PDPR: variants seen among roughly 807,000 people sequenced by gnomAD.
The protein encoded by PDPR is pyruvate dehydrogenase phosphatase regulatory subunit, also known as pyruvate dehydrogenase phosphatase regulatory subunit, mitochondrial.
A neutral mutation model predicts 102.2 loss-of-function variants in PDPR; 50 were observed. That is an observed-to-expected ratio of 0.49 (90% CI 0.39 to 0.62). The LOEUF (loss-of-function observed/expected upper bound fraction) is 0.62. Ranked by LOEUF, PDPR falls within the 20% of genes least tolerant of loss-of-function variation. PDPR has a pLI of 0.00. For missense variants in PDPR, 625 were observed against 1,098.2 expected, an observed-to-expected ratio of 0.57 and a Z score of 6.09; for synonymous variants, 259 against 406.0, an observed-to-expected ratio of 0.64 and a Z score of 4.35.
intron 15 of PDPR, among the ~76,000 whole-genome samples, chr16:70,145,397 A>G (rs1417316224): frequency 6.6e-6 from 1 of 152,224 alleles, no homozygotes; most frequent in African/African-American, 2.4e-5. Context: ...CGGCCTCCCA[A>G]AGTGCTGGGA....
chr16:70,123,677 T>A (rs1444168647), intron 3 of PDPR, among the ~76,000 whole-genome samples: 1 of 152,248 alleles, frequency 6.6e-6, no homozygotes, highest in East Asian at 1.9e-4. Context: ...GGGAGGTTCA[T>A]TTTTGGTTTA....
intron 11 of PDPR, among the ~76,000 whole-genome samples, chr16:70,141,175 T>C (rs1307298926): frequency 3.3e-5 from 5 of 152,216 alleles, no homozygotes; most frequent in Non-Finnish European, 5.9e-5. Context: ...TGCCTCAGCC[T>C]CCCGAGTAGC....
Position 70,138,895 on chromosome 16 carries a change from A to T in PDPR, c.1191-4A>T. On this transcript the variant is annotated splice_polypyrimidine_tract_variant and splice_region_variant and intron_variant, in intron 10 of 18. Coordinates refer to ENST00000288050, the MANE Select transcript of PDPR (RefSeq NM_017990.5). ...GCCCCAACACGTGCCCTCTGTCTAT[A>T]TAGGTACCTTGCCGAATGGATGGTA... The T allele has an allele frequency of 6.2e-7, 1 of 1,612,682 alleles. No homozygotes were observed. The highest frequency in any genetic ancestry group is 1.7e-5 in the Admixed American group (1 of 59,934).
intron 3 of PDPR, among the ~76,000 whole-genome samples, chr16:70,121,630 G>A (rs193233645): frequency 1.5e-3 from 228 of 152,216 alleles, no homozygotes; most frequent in African/African-American, 5.3e-3. Context: ...AGGCGGAGGT[G>A]GCAGTGAGCA....
chr16:70,135,537 C>G (rs1352866882), intron 9 of PDPR, among the ~76,000 whole-genome samples: 1 of 152,266 alleles, frequency 6.6e-6, no homozygotes, highest in African/African-American at 2.4e-5. Context: ...ATGCCCAGCT[C>G]AGAACATCAC....
intron 3 of PDPR, among the ~76,000 whole-genome samples, chr16:70,122,907 A>G (rs889628735): frequency 1.4e-5 from 2 of 147,546 alleles, no homozygotes; most frequent in Admixed American, 1.4e-4. Context: ...TGCAGTGGAT[A>G]GTTTTTTTTT....
At chr16:70,116,541 CAAA>C (rs937202031) in intron 2 of PDPR, among the ~76,000 whole-genome samples, 2 of 97,374 alleles carry the variant, frequency 2.1e-5, no homozygotes, top group Non-Finnish European at 4.4e-5. Flanking sequence ...CCCCTCTCTA[CAAA>C]AAAAAAAAAA....
intron 11 of PDPR, among the ~76,000 whole-genome samples, chr16:70,140,083 C>G (rs1965551958): frequency 2.6e-5 from 4 of 152,286 alleles, no homozygotes; most frequent in Admixed American, 2.6e-4. Flanking sequence ...TGCCTGTAAT[C>G]CCAGCACTTT....
intron 11 of PDPR, among the ~76,000 whole-genome samples, chr16:70,139,272 G>C (rs1209055470): frequency 6.6e-6 from 1 of 152,238 alleles, no homozygotes; most frequent in Non-Finnish European, 1.5e-5. Flanking sequence ...GTTACAGTTG[G>C]TACATAGCAG....
chr16:70,160,228 T>C lies in PDPR; in HGVS notation c.*3349T>C, dbSNP rs986997653. On this transcript the variant is annotated 3_prime_UTR_variant, in exon 19 of 19. Coordinates refer to ENST00000288050, the MANE Select transcript of PDPR (RefSeq NM_017990.5). ...CTGTTCTTAGCACTGCCAGGGTCAT[T>C]GACTTCCATCTAAGCTTGCATCAGG... 3 of 152,614 alleles carry C rather than the reference T, an allele frequency of 2.0e-5. No individual in the cohort carries two copies. The highest frequency in any genetic ancestry group is 4.8e-5 in the African/African-American group (2 of 41,484). The allele number at this position is 152,614 out of a possible 1,614,324, so 9.5% of individuals were successfully genotyped here. A position where few individuals can be genotyped will look rare whatever the true frequency, so the allele number is the denominator to read the frequency against.
Position 70,117,431 on chromosome 16 carries a change from T to A in PDPR, c.-33+2501T>A, listed in dbSNP as rs112621380. Among the ~76,000 whole-genome samples the A allele has an allele frequency of 3.2e-3, 479 of 150,410 alleles. 4 individuals are homozygous for A. Among genetic ancestry groups the A allele is most frequent in the African/African-American group, 0.011 (428 of 40,744 alleles). On this transcript the variant is annotated intron_variant, in intron 2 of 18. Transcript: ENST00000288050. ...TACTCAGGAGGCTGAGGCAGGAGAA[T>A]GGCATCAACCCAGGAGGCAGAGCTT...
At chr16:70,135,409 G>A (rs1388165137) in intron 9 of PDPR, among the ~76,000 whole-genome samples, 1 of 152,222 alleles carries the variant, frequency 6.6e-6, no homozygotes, top group Non-Finnish European at 1.5e-5. Flanking sequence ...GCTAATTTTT[G>A]TATTTTTAGT....
chr16:70,138,828 C>A (rs191657236), intron 10 of PDPR, 71 bp from the exon 11 acceptor site: 3,317 of 1,600,156 alleles, frequency 2.1e-3, no homozygotes, highest in Non-Finnish European at 2.4e-3. Context: ...TCTGTTTGTT[C>A]TCGATTTGTA....
At chr16:70,125,253 G>A (rs1963805015) in intron 3 of PDPR, among the ~76,000 whole-genome samples, 1 of 152,260 alleles carries the variant, frequency 6.6e-6, no homozygotes, top group South Asian at 2.1e-4. Context: ...GTGCACACCT[G>A]TAATCCTAGC....
At chr16:70,140,485 G>A (rs1286708689) in intron 11 of PDPR, among the ~76,000 whole-genome samples, 3 of 152,134 alleles carry the variant, frequency 2.0e-5, no homozygotes, top group African/African-American at 7.2e-5. Flanking sequence ...GACACTTTTG[G>A]TAGCCAATTC....
chr16:70,126,417 G>A (rs535053512), intron 3 of PDPR, among the ~76,000 whole-genome samples: 4 of 152,230 alleles, frequency 2.6e-5, no homozygotes, highest in Non-Finnish European at 5.9e-5. Context: ...AGGCTGGAAC[G>A]CCGTGGCACA....
At chr16:70,151,919 T>C (rs1182251780) in intron 17 of PDPR, among the ~76,000 whole-genome samples, 1 of 152,286 alleles carries the variant, frequency 6.6e-6, no homozygotes, top group Non-Finnish European at 1.5e-5. Flanking sequence ...AACTACTCTT[T>C]GAGTAAATGG....
chr16:70,133,503 C>A (rs1221543614), intron 9 of PDPR, among the ~76,000 whole-genome samples: 2 of 149,866 alleles, frequency 1.3e-5, no homozygotes, highest in Non-Finnish European at 2.9e-5. Context: ...CTCCAACCTC[C>A]ACCTCCTAGG....
chr16:70,130,803 C>T (rs1433027412), intron 7 of PDPR, among the ~76,000 whole-genome samples: 1 of 152,278 alleles, frequency 6.6e-6, no homozygotes, highest in Non-Finnish European at 1.5e-5. Context: ...GACGTGAATC[C>T]TTGGCACTGG....
Sources: gnomAD v4.1 joint callset for allele counts (sites outside exome capture counted in the v4.1 genomes callset) on GRCh38, gnomAD v4.1.1 for gene constraint, MANE v1.5 for transcripts, NCBI Gene and HGNC (gene_info 2026-07-23, HGNC 2026-07-21) for gene names.